The following SMCHD1 variants were observed in gnomAD, a reference collection of about 807,000 sequenced individuals.
SMCHD1 encodes structural maintenance of chromosomes flexible hinge domain-containing protein 1.
A neutral mutation model predicts 254.7 loss-of-function variants in SMCHD1; 78 were observed. The ratio of observed to expected loss-of-function variants is 0.31; its 90% CI spans 0.26 to 0.37. SMCHD1 has a LOEUF of 0.37. SMCHD1 is among the 10% of genes least tolerant of loss of function. The probability of loss-of-function intolerance (pLI) is 1.00; values close to 1 mark genes in which losing one functional copy is unlikely to be tolerated. For missense variants in SMCHD1, 1,840 were observed against 2,408.1 expected (o/e 0.76, Z 4.94); for synonymous variants, 766 against 794.9 (o/e 0.96, Z 0.61).
chr18:2,768,069 T>C (rs911205248), intron 37 of SMCHD1, among the ~76,000 whole-genome samples: 4 of 152,162 alleles, frequency 2.6e-5, no homozygotes, highest in African/African-American at 7.2e-5. Context: ...TGAATTGTTA[T>C]GTGGTGCATG....
At chr18:2,708,914 T>TATATATATATATA (rs1568199382) in intron 17 of SMCHD1, among the ~76,000 whole-genome samples, 1 of 51,584 alleles carries the variant, frequency 1.9e-5, no homozygotes. Flanking sequence ...ATATAACATA[T>TATATATATATATA]TAACATGAAA....
intron 7 of SMCHD1, among the ~76,000 whole-genome samples, chr18:2,690,618 C>T (rs1339931491): frequency 6.6e-6 from 1 of 151,526 alleles, no homozygotes; most frequent in Non-Finnish European, 1.5e-5. Flanking sequence ...ATTACAGGCA[C>T]ATGCCACCAC....
intron 3 of SMCHD1, among the ~76,000 whole-genome samples, chr18:2,672,108 C>T (rs1364352687): frequency 6.6e-6 from 1 of 152,174 alleles, no homozygotes; most frequent in Non-Finnish European, 1.5e-5. Context: ...ATTACCTTAG[C>T]CAGATTACCC....
rs1555635504 is a variant in SMCHD1, at chr18:2,708,907, T to TAAATAA, written c.2260+989_2260+990insATAAAA. ...ATATATATATATATATATATATATA[T>TAAATAA]AACATATTAACATGAAATTTATGAA... is the stretch of plus-strand genomic sequence containing the variant. On this transcript the variant is annotated intron_variant, in intron 17 of 47. Transcript: ENST00000320876. 8.9e-5 allele frequency among the ~76,000 whole-genome samples: 4 copies of TAAATAA among 44,702 alleles called. 1 individual carries two copies. Among genetic ancestry groups the TAAATAA allele is most frequent in the African/African-American group, 3.4e-4 (4 of 11,876 alleles). 29.3% of individuals were successfully genotyped at this position (44,702 alleles called of 152,430 possible).
chr18:2,693,414 C>T (rs2074221732), intron 7 of SMCHD1, among the ~76,000 whole-genome samples: 1 of 152,174 alleles, frequency 6.6e-6, no homozygotes, highest in Admixed American at 6.5e-5. Flanking sequence ...GGTACTGCTC[C>T]TAGTCTACAA....
intron 19 of SMCHD1, among the ~76,000 whole-genome samples, chr18:2,720,139 C>T (rs2074894258): frequency 6.6e-6 from 1 of 152,080 alleles, no homozygotes; most frequent in Non-Finnish European, 1.5e-5. Context: ...TTCTTTCTTT[C>T]TAAAATATCT....
intron 34 of SMCHD1, among the ~76,000 whole-genome samples, chr18:2,754,092 A>G (rs2075627416): frequency 1.3e-5 from 2 of 152,156 alleles, no homozygotes; most frequent in African/African-American, 4.8e-5. Context: ...TTGTTTAGAC[A>G]TCTTTGCCTA....
Position 2,718,643 on chromosome 18 carries a change from C to T in SMCHD1, c.2458+209C>T, listed in dbSNP as rs925581049. ...CAATCTCGGCTCACTGCAACCTCCG[C>T]TTCCTGGGTTCAAGTGATTTTCCTG... On this transcript the variant is annotated intron_variant, in intron 19 of 47. Coordinates refer to ENST00000320876, the MANE Select transcript of SMCHD1 (RefSeq NM_015295.3). This position sits in a 1 kb window ranked among gnomAD's most constrained non-coding sequence, Gnocchi z 4.6. Among the ~76,000 whole-genome samples the T allele has an allele frequency of 1.3e-5, 2 of 152,110 alleles. No homozygotes were observed. Among genetic ancestry groups the T allele is most frequent in the African/African-American group, 2.4e-5 (1 of 41,394 alleles).
chr18:2,774,504 T>G (rs1270071974), intron 41 of SMCHD1, among the ~76,000 whole-genome samples: 3 of 152,064 alleles, frequency 2.0e-5, no homozygotes. Context: ...CTGGACTTTC[T>G]GAGCTCAGGT....
chr18:2,773,827 G>A (rs1172087912), intron 41 of SMCHD1, among the ~76,000 whole-genome samples: 2 of 152,122 alleles, frequency 1.3e-5, no homozygotes, highest in Non-Finnish European at 2.9e-5. Flanking sequence ...GGAGGCTGAG[G>A]CAGAAGAATT....
chr18:2,796,522 G>GTGAGT lies in SMCHD1; in HGVS notation c.5993+3_5993+7dup, dbSNP rs760569762. 1.3e-6 allele frequency: 2 copies of GTGAGT among 1,564,952 alleles called. No homozygotes were observed. Among genetic ancestry groups the GTGAGT allele is most frequent in the Middle Eastern group, 1.7e-4 (1 of 5,998 alleles). On this transcript the variant is annotated splice_donor_variant, in intron 47 of 47. Coordinates refer to ENST00000320876, the MANE Select transcript of SMCHD1 (RefSeq NM_015295.3). LOFTEE classifies it high-confidence loss of function. The stretch of plus-strand genomic sequence containing the variant: ...GACGAGAAGCTACAAGACAAAATAG[G>GTGAGT]TGAGTTTGTTTGACCTGAGAATTAT...
At chr18:2,790,875 T>C (rs2076308766) in intron 45 of SMCHD1, among the ~76,000 whole-genome samples, 1 of 152,192 alleles carries the variant, frequency 6.6e-6, no homozygotes, top group African/African-American at 2.4e-5. Context: ...TATCAGAATA[T>C]CACATGTGCC....
At chr18:2,715,732 C>T (rs2074783674) in intron 17 of SMCHD1, among the ~76,000 whole-genome samples, 1 of 151,960 alleles carries the variant, frequency 6.6e-6, no homozygotes, top group African/African-American at 2.4e-5. Flanking sequence ...TAATATATAC[C>T]TGTAGTCCCA....
At chr18:2,743,969 T>A in intron 29 of SMCHD1, 41 bp downstream of exon 29, 2 of 1,473,396 alleles carry the variant, frequency 1.4e-6, no homozygotes, top group Non-Finnish European at 1.8e-6. Flanking sequence ...TTTAATATCA[T>A]ATGGCTTATT....
At chr18:2,738,575 A>C in intron 26 of SMCHD1, 30 bp downstream of exon 26, 1 of 1,574,870 alleles carries the variant, frequency 6.3e-7, no homozygotes. Flanking sequence ...TTTGCAGCCT[A>C]TGGCAACAAA....
chr18:2,743,430 G>T (rs1364497223), intron 28 of SMCHD1, among the ~76,000 whole-genome samples: 1 of 152,126 alleles, frequency 6.6e-6, no homozygotes, highest in African/African-American at 2.4e-5. Flanking sequence ...GGTAAATAAT[G>T]TTGCAAACAG....
intron 37 of SMCHD1, among the ~76,000 whole-genome samples, chr18:2,766,628 G>A (rs1348593546): frequency 1.3e-5 from 2 of 152,190 alleles, no homozygotes; most frequent in Non-Finnish European, 2.9e-5. Context: ...GTTTGTAAAT[G>A]TTCCACATTA....
chr18:2,715,166 T>A (rs1180492445), intron 17 of SMCHD1, among the ~76,000 whole-genome samples: 1 of 141,926 alleles, frequency 7.0e-6, no homozygotes, highest in African/African-American at 2.6e-5. Context: ...ACAAGGGAAG[T>A]TTTCCTCAAT....
At chr18:2,688,782 C>T (rs1385742873) in intron 7 of SMCHD1, 35 bp downstream of exon 7, 2 of 1,202,274 alleles carry the variant, frequency 1.7e-6, no homozygotes, top group Non-Finnish European at 2.3e-6. Context: ...TATAAATTTA[C>T]TCCTTTGGAT....
Sources: gnomAD v4.1 joint callset for allele counts (sites outside exome capture counted in the v4.1 genomes callset) on GRCh38, gnomAD v4.1.1 for gene constraint, Gnocchi (gnomAD v3.1) non-coding constraint, MANE v1.5 for transcripts, NCBI Gene and HGNC (gene_info 2026-07-23, HGNC 2026-07-21) for gene names.